The following FAM124A variants were observed in gnomAD, a reference collection of about 807,000 sequenced individuals.
FAM124A encodes the protein family with sequence similarity 124 member A, also known as protein FAM124A.
Under a neutral mutation model 24.5 loss-of-function variants are expected in FAM124A, and 23 were observed. The observed-to-expected ratio is 0.94, with a 90% CI of 0.68 to 1.33. The LOEUF (loss-of-function observed/expected upper bound fraction) is 1.33. Among genes scored for constraint, FAM124A ranks in the 40% most tolerant of loss-of-function variants. The pLI is 0.00. For missense variants in FAM124A, 623 were observed against 722.8 expected, an observed-to-expected ratio of 0.86 and a Z score of 1.58; for synonymous variants, 287 against 314.7, an observed-to-expected ratio of 0.91 and a Z score of 0.93.
intron 3 of FAM124A, among the ~76,000 whole-genome samples, chr13:51,267,243 T>C (rs1180688998): frequency 6.6e-6 from 1 of 152,226 alleles, no homozygotes; most frequent in Non-Finnish European, 1.5e-5. Flanking sequence ...TGGAAGCATG[T>C]AGATAAACCC....
At position 51,251,723 on chromosome 13, in the gene FAM124A, T is replaced by C; in HGVS notation, c.356T>C (p.Leu119Pro). The C allele has an allele frequency of 6.3e-7, 1 of 1,586,370 alleles. No individual in the cohort carries two copies. Among genetic ancestry groups the C allele is most frequent in the South Asian group, 1.1e-5 (1 of 87,960 alleles). The change falls in exon 3 of 4, where the codon CTG becomes CCG. Residue 119 changes from leucine (L) to proline (P), a missense_variant. Physicochemically the swap from Leu to Pro is moderately conservative, Grantham distance 98 (BLOSUM62 -3). Transcript: ENST00000322475. The surrounding 1 kb of genome is among the most constrained non-coding windows in gnomAD (Gnocchi z 5.3). ...TACGGCGAAGAGCAGATCCTGCAGC[T>C]GCACCGCACACTGCAGCAGCCGCCC... is the stretch of plus-strand genomic sequence containing the variant. ...EEYGEEQILQ[L>P]HRTLQQPPWR...
At chr13:51,228,205 GTA>G (rs143841860) in intron 1 of FAM124A, among the ~76,000 whole-genome samples, 103 of 151,190 alleles carry the variant, frequency 6.8e-4, no homozygotes, top group African/African-American at 2.3e-3. Flanking sequence ...TATATATGTA[GTA>G]TATATATATA....
chr13:51,259,749 C>T (rs1477627446), intron 3 of FAM124A, among the ~76,000 whole-genome samples: 3 of 152,222 alleles, frequency 2.0e-5, no homozygotes, highest in Non-Finnish European at 4.4e-5. Context: ...ACATCACAGG[C>T]TTGGCCACCT....
intron 1 of FAM124A, among the ~76,000 whole-genome samples, chr13:51,227,825 CCT>C (rs1288765102): frequency 1.3e-5 from 2 of 152,144 alleles, no homozygotes; most frequent in African/African-American, 4.8e-5. Flanking sequence ...CATACCATGC[CCT>C]GTTTCTTTGG....
At chr13:51,233,611 C>A (rs1954402293) in intron 2 of FAM124A, among the ~76,000 whole-genome samples, 1 of 152,118 alleles carries the variant, frequency 6.6e-6, no homozygotes, top group African/African-American at 2.4e-5. Flanking sequence ...CAGCACGGTG[C>A]CTGGCCTGCC....
At chr13:51,261,898 G>T (rs1459177265) in intron 3 of FAM124A, among the ~76,000 whole-genome samples, 1 of 152,196 alleles carries the variant, frequency 6.6e-6, no homozygotes, top group East Asian at 1.9e-4. Context: ...CAAACTCTTT[G>T]AACAGCTCCT....
At chr13:51,247,308 C>A (rs1024590185) in intron 2 of FAM124A, among the ~76,000 whole-genome samples, 1 of 152,222 alleles carries the variant, frequency 6.6e-6, no homozygotes, top group African/African-American at 2.4e-5. Context: ...ATGGTGCACA[C>A]GGAACTCGGA....
chr13:51,255,749 G>GT (rs34811716), intron 3 of FAM124A, among the ~76,000 whole-genome samples: 31,564 of 152,064 alleles, frequency 0.21, 3,537 homozygotes, highest in East Asian at 0.4. Flanking sequence ...GGTATGCCCA[G>GT]CCAGATGTAG....
rs1233441009 is a variant in FAM124A at position 51,222,438 on chromosome 13, C to T, written c.-64C>T. The T allele has an allele frequency of 1.6e-5, 19 of 1,172,648 alleles. No individual in the cohort carries two copies. The South Asian group carries it at 5.8e-4, about 36-fold the overall frequency. 72.6% of individuals were successfully genotyped at this position (1,172,648 alleles called of 1,614,324 possible). ...GCCCGGCCGGCTCGGACTGGGCGGC[C>T]GGGAGGGAGGGCGCCCCGGGTCACG... On this transcript the variant is annotated 5_prime_UTR_variant, in exon 1 of 4. Transcript: ENST00000322475.
At chr13:51,229,845 C>G (rs757518598) in intron 1 of FAM124A, among the ~76,000 whole-genome samples, 1 of 152,160 alleles carries the variant, frequency 6.6e-6, no homozygotes, top group Non-Finnish European at 1.5e-5. Context: ...TGCACCAGTA[C>G]TGGGTTACAA....
rs552301391 is a variant in FAM124A, at chr13:51,282,222, A to G, written c.*966A>G. ...GTGACCATGCTGGGTCACGCATCCT[A>G]TGTTTCTCATTTTTAAATGATTTGG... On this transcript the variant is annotated 3_prime_UTR_variant, in exon 4 of 4. Coordinates refer to ENST00000322475, the MANE Select transcript of FAM124A (RefSeq NM_001242312.2). 2.6e-5 allele frequency: 4 copies of G among 152,312 alleles called. No individual in the cohort carries two copies. The highest frequency in any genetic ancestry group is 7.2e-5 in the African/African-American group (3 of 41,568). The allele number at this position is 152,312 out of a possible 1,614,324, so 9.4% of individuals were successfully genotyped here.
chr13:51,260,960 A>G (rs1954730002), intron 3 of FAM124A, among the ~76,000 whole-genome samples: 1 of 152,194 alleles, frequency 6.6e-6, no homozygotes, highest in South Asian at 2.1e-4. Flanking sequence ...TTCAGGTTTG[A>G]TTACCACCAC....
intron 1 of FAM124A, among the ~76,000 whole-genome samples, chr13:51,230,672 C>T (rs571172138): frequency 1.6e-4 from 25 of 152,196 alleles, no homozygotes; most frequent in Non-Finnish European, 2.9e-4. Context: ...CCCACTCTTA[C>T]GGAGGCTGAA....
intron 2 of FAM124A, among the ~76,000 whole-genome samples, chr13:51,236,516 T>C (rs1328194495): frequency 6.6e-6 from 1 of 152,252 alleles, no homozygotes; most frequent in Non-Finnish European, 1.5e-5. Context: ...CATTGTGATA[T>C]AATTAAGCAA....
At chr13:51,252,459 C>T in intron 3 of FAM124A, 1 of 555,980 alleles carries the variant, frequency 1.8e-6, no homozygotes, top group South Asian at 2.8e-5. Flanking sequence ...CCCTTCTGTC[C>T]TCCCCTATTG....
At chr13:51,231,500 A>G in intron 2 of FAM124A, 121 bp downstream of exon 2, 1 of 1,051,370 alleles carries the variant, frequency 9.5e-7, no homozygotes, top group Non-Finnish European at 1.4e-6. Context: ...ATCTTTGCCA[A>G]AGAATGTGGT....
intron 1 of FAM124A, among the ~76,000 whole-genome samples, chr13:51,228,989 A>G (rs1954345467): frequency 6.6e-6 from 1 of 152,250 alleles, no homozygotes; most frequent in Non-Finnish European, 1.5e-5. Flanking sequence ...TAAAATGATA[A>G]TTACAGGAAA....
chr13:51,269,162 C>A (rs1275947695), intron 3 of FAM124A, among the ~76,000 whole-genome samples: 1 of 152,192 alleles, frequency 6.6e-6, no homozygotes, highest in East Asian at 1.9e-4. Context: ...CTGTGTGCAA[C>A]CTCAGTCAGC....
rs373746624 is a variant in FAM124A at position 51,251,425 on chromosome 13, A to G, written c.101-43A>G. 3.4e-6 allele frequency: 5 copies of G among 1,485,330 alleles called. No individual in the cohort carries two copies. Among genetic ancestry groups the G allele is most frequent in the Non-Finnish European group, 4.5e-6 (5 of 1,117,430 alleles). 92.0% of individuals were successfully genotyped at this position (1,485,330 alleles called of 1,614,324 possible). ...CACTGGACACTTTAATGAAATAATC[A>G]TAATTGTATTCATTCATCCATTCGT... On this transcript the variant is annotated intron_variant, in intron 2 of 3. Transcript: ENST00000322475. The surrounding 1 kb of genome is among the most constrained non-coding windows in gnomAD (Gnocchi z 5.3).
Sources: gnomAD v4.1 joint callset for allele counts (sites outside exome capture counted in the v4.1 genomes callset) on GRCh38, gnomAD v4.1.1 for gene constraint, Gnocchi (gnomAD v3.1) non-coding constraint, MANE v1.5 for transcripts, NCBI Gene and HGNC (gene_info 2026-07-23, HGNC 2026-07-21) for gene names.